Variants in PDE1A observed in about 807,000 individuals in gnomAD.
The protein encoded by PDE1A is dual specificity calcium/calmodulin-dependent 3',5'-cyclic nucleotide phosphodiesterase 1A.
PDE1A carries 35 observed loss-of-function variants against 61.7 expected under a neutral mutation model. The ratio of observed to expected loss-of-function variants is 0.57; its 90% CI spans 0.43 to 0.75. The LOEUF is 0.75. PDE1A is among the 30% of genes least tolerant of loss of function. The probability of loss-of-function intolerance (pLI) is 0.00; values close to 1 mark genes in which losing one functional copy is unlikely to be tolerated. For missense variants in PDE1A, 597 were observed against 630.6 expected (o/e 0.95, Z 0.57); for synonymous variants, 232 against 213.2 (o/e 1.09, Z -0.77).
intron 1 of PDE1A, among the ~76,000 whole-genome samples, chr2:182,309,681 G>T (rs1559322846): frequency 1.3e-5 from 2 of 152,068 alleles, no homozygotes. Context: ...AGGGCGAGAA[G>T]AATGAATCAA....
At chr2:182,305,958 T>C (rs1055599852) in intron 1 of PDE1A, among the ~76,000 whole-genome samples, 2 of 152,270 alleles carry the variant, frequency 1.3e-5, no homozygotes, top group Non-Finnish European at 2.9e-5. Flanking sequence ...ATAGTCATCA[T>C]ACTATGCAAT....
rs1423081058 is a variant in PDE1A, at chr2:182,270,299, G to C, written c.54-5885C>G. ...GAGTACTGAGTTGTAGAAAATTATTGAGTATTTTAATTCAAATACAGAACT... is the reference window on the plus strand; with the variant it reads ...GAGTACTGAGTTGTAGAAAATTATTCAGTATTTTAATTCAAATACAGAACT... On this transcript the variant is annotated intron_variant, in intron 1 of 13. Coordinates refer to ENST00000351439, the Ensembl canonical transcript of PDE1A. Among the ~76,000 whole-genome samples the C allele has an allele frequency of 3.9e-5, 6 of 152,142 alleles. No individual in the cohort carries two copies. In the East Asian group the frequency reaches 1.2e-3, roughly 29 times the overall value.
the PDE1A span, among the ~76,000 whole-genome samples, chr2:182,714,363 T>C: frequency 2.0e-5 from 3 of 152,150 alleles, no homozygotes; most frequent in African/African-American, 7.2e-5. Context: ...TTTTCTCCAA[T>C]CTAGACATTA....
At position 182,185,884 on chromosome 2, in the gene PDE1A, A is replaced by G. The variant is rs1430065779; in HGVS notation, c.1516+8T>C. ...GAGATGGCAGTAAGGCCTCATAAAC[A>G]ACACTACCTTGTGCAGCTAACTCTT... On this transcript the variant is annotated splice_region_variant and intron_variant, in intron 13 of 13. Transcript: ENST00000351439. 2 of 1,613,828 alleles carry G rather than the reference A, an allele frequency of 1.2e-6. No homozygotes were observed. The highest frequency in any genetic ancestry group is 1.7e-6 in the Non-Finnish European group (2 of 1,179,854).
chr2:182,218,366 A>G (rs1020194558), intron 7 of PDE1A, among the ~76,000 whole-genome samples: 4 of 151,718 alleles, frequency 2.6e-5, no homozygotes, highest in Admixed American at 1.3e-4. Context: ...ACATGTATAC[A>G]TATGTAACTA....
At chr2:182,182,800 C>T (rs1684881248) in intron 13 of PDE1A, among the ~76,000 whole-genome samples, 2 of 151,688 alleles carry the variant, frequency 1.3e-5, no homozygotes, top group African/African-American at 4.8e-5. Flanking sequence ...TGTTAACACC[C>T]ACCCTCCCAG....
Position 182,201,677 on chromosome 2 carries a change from A to C in PDE1A, c.1004+11T>G. 2 of 1,570,764 alleles carry C rather than the reference A, an allele frequency of 1.3e-6. No individual in the cohort carries two copies. Among genetic ancestry groups the C allele is most frequent in the South Asian group, 2.4e-5 (2 of 83,888 alleles). ...AAAAAAAAAAAACAACAAAAAAAACACAAAACCTACCCTTCAGGCTGCTGC... is the reference window on the plus strand; with the variant it reads ...AAAAAAAAAAAACAACAAAAAAAACCCAAAACCTACCCTTCAGGCTGCTGC... On this transcript the variant is annotated intron_variant, in intron 9 of 13. Coordinates refer to ENST00000351439, the Ensembl canonical transcript of PDE1A.
At chr2:182,593,137 G>A in the PDE1A span, among the ~76,000 whole-genome samples, 1 of 152,202 alleles carries the variant, frequency 6.6e-6, no homozygotes, top group African/African-American at 2.4e-5. Context: ...GAAAAAGACT[G>A]GGCACAAGTG....
chr2:182,147,801 T>C (rs1690573258), intron 13 of PDE1A, among the ~76,000 whole-genome samples: 1 of 152,158 alleles, frequency 6.6e-6, no homozygotes, highest in South Asian at 2.1e-4. Flanking sequence ...AATTTTTGAG[T>C]CAATTACTTG....
chr2:182,321,310 T>C (rs1285449788), intron 1 of PDE1A, among the ~76,000 whole-genome samples: 1 of 152,196 alleles, frequency 6.6e-6, no homozygotes, highest in Non-Finnish European at 1.5e-5. Context: ...TTCTTGCTTA[T>C]TTCTCTGTGA....
the PDE1A span, among the ~76,000 whole-genome samples, chr2:182,557,239 G>A: frequency 1.3e-5 from 2 of 151,936 alleles, no homozygotes; most frequent in African/African-American, 4.8e-5. Flanking sequence ...GAGTGACTGT[G>A]TATCAAAAAC....
chr2:182,417,720 A>G (rs1215685138), intron 1 of PDE1A, among the ~76,000 whole-genome samples: 2 of 152,138 alleles, frequency 1.3e-5, no homozygotes, highest in Non-Finnish European at 2.9e-5. Context: ...TCCTAGTGTA[A>G]ATTATATCAT....
At chr2:182,230,933 A>T in intron 5 of PDE1A, 82 bp downstream of exon 5, 1 of 721,940 alleles carries the variant, frequency 1.4e-6, no homozygotes, top group Non-Finnish European at 2.4e-6. Context: ...TGAATTGCTT[A>T]ATTACTCAAA....
the PDE1A span, among the ~76,000 whole-genome samples, chr2:182,598,572 A>C: frequency 2.0e-5 from 3 of 151,874 alleles, no homozygotes; most frequent in East Asian, 3.9e-4. Flanking sequence ...CAAAAAAAAA[A>C]AAAACAAAAA....
At chr2:182,569,245 C>A in the PDE1A span, among the ~76,000 whole-genome samples, 1 of 104,452 alleles carries the variant, frequency 9.6e-6, no homozygotes, top group Non-Finnish European at 1.9e-5. Flanking sequence ...AGAGTGATAA[C>A]CTGTCTCAAA....
chr2:182,367,967 A>G (rs1699926481), intron 1 of PDE1A, among the ~76,000 whole-genome samples: 2 of 152,124 alleles, frequency 1.3e-5, no homozygotes, highest in African/African-American at 2.4e-5. Context: ...TCTTTCTTTT[A>G]CTTTTTCTTC....
At chr2:182,565,215 G>A in the PDE1A span, among the ~76,000 whole-genome samples, 23 of 152,098 alleles carry the variant, frequency 1.5e-4, no homozygotes, top group African/African-American at 5.1e-4. Flanking sequence ...TGATGGTGAC[G>A]TACAGATGGG....
chr2:182,449,520 T>C (rs973996761), intron 2 of PDE1A, among the ~76,000 whole-genome samples: 1 of 152,050 alleles, frequency 6.6e-6, no homozygotes, highest in East Asian at 1.9e-4. Context: ...AGGGTGTTTG[T>C]AGTTCAAATA....
intron 1 of PDE1A, among the ~76,000 whole-genome samples, chr2:182,376,065 T>G (rs1700386089): frequency 6.6e-6 from 1 of 152,218 alleles, no homozygotes; most frequent in African/African-American, 2.4e-5. Context: ...TCCAGGTCTG[T>G]AATGGGAGGG....
Sources: allele counts gnomAD v4.1 joint callset (sites outside exome capture counted in the v4.1 genomes callset), GRCh38; gene constraint gnomAD v4.1.1; transcripts MANE v1.5; gene names NCBI Gene and HGNC (gene_info 2026-07-23, HGNC 2026-07-21).